ABI3BP: variants seen among roughly 807,000 people sequenced by gnomAD.
ABI3BP encodes ABI family member 3 binding protein.
In ABI3BP, 216 loss-of-function variants were observed where a neutral mutation model predicts 268.6. The ratio of observed to expected loss-of-function variants is 0.80; its 90% CI spans 0.72 to 0.90. ABI3BP has a LOEUF of 0.90. ABI3BP is among the 40% of genes least tolerant of loss of function. ABI3BP has a pLI of 0.00. For missense variants in ABI3BP, 2,090 were observed against 2,182.4 expected (o/e 0.96, Z 0.84); for synonymous variants, 730 against 730.0 (o/e 1.00, Z 0.00).
chr3:100,867,368 G>A (rs748551867), intron 9 of ABI3BP, among the ~76,000 whole-genome samples: 14 of 152,008 alleles, frequency 9.2e-5, no homozygotes, highest in Non-Finnish European at 1.3e-4. Flanking sequence ...CCGGCCGGGC[G>A]TGGTGGCTCA....
intron 1 of ABI3BP, among the ~76,000 whole-genome samples, chr3:100,958,696 C>T (rs532214239): frequency 6.6e-6 from 1 of 152,234 alleles, no homozygotes; most frequent in East Asian, 1.9e-4. Flanking sequence ...GCAGGGAAAC[C>T]TGAAATCAAA....
intron 22 of ABI3BP, 29 bp from the exon 23 acceptor site, chr3:100,840,193 C>A (rs1351481287): frequency 5.3e-5 from 79 of 1,476,894 alleles, no homozygotes; most frequent in Non-Finnish European, 7.1e-5. Context: ...CAAGTTAATA[C>A]AAGAAGGGTG....
intron 60 of ABI3BP, 125 bp downstream of exon 60, chr3:100,775,082 C>T: frequency 9.0e-7 from 1 of 1,117,232 alleles, no homozygotes; most frequent in Non-Finnish European, 1.2e-6. Flanking sequence ...TAAAAACAAC[C>T]ATATTAATCA....
intron 9 of ABI3BP, among the ~76,000 whole-genome samples, chr3:100,872,454 C>A (rs1260750279): frequency 6.6e-6 from 1 of 152,046 alleles, no homozygotes; most frequent in African/African-American, 2.4e-5. Context: ...CACTGAGGAC[C>A]AGACCATGAC....
intron 62 of ABI3BP, among the ~76,000 whole-genome samples, chr3:100,768,368 G>C (rs777063437): frequency 5.3e-5 from 8 of 152,114 alleles, no homozygotes; most frequent in Admixed American, 5.2e-4. Context: ...GATTACAGGC[G>C]TGAGCCACTG....
intron 1 of ABI3BP, among the ~76,000 whole-genome samples, chr3:100,938,718 T>C (rs1386841128): frequency 6.6e-6 from 1 of 152,142 alleles, no homozygotes; most frequent in Non-Finnish European, 1.5e-5. Context: ...AATGATGTTA[T>C]CAATTAAGTA....
At chr3:100,849,243 T>G (rs2153018291) in intron 17 of ABI3BP, among the ~76,000 whole-genome samples, 1 of 150,018 alleles carries the variant, frequency 6.7e-6, no homozygotes, top group African/African-American at 2.5e-5. Flanking sequence ...TTTTTTTTTT[T>G]GGAGACAGAG....
chr3:100,885,557 G>A lies in ABI3BP; in HGVS notation c.675C>T (p.Thr225=). ...ATACCACTGTGTGGTCTTGGTCATA[G>A]GTACTTTGGATTTTCCCATTTACTT... The part of the protein sequence containing the change: ...SKKVNGKIQS[T]YDQDHTVPAY... Residue 225 remains threonine (T), a synonymous_variant, in exon 6 of 68, where the codon ACC becomes ACT. Coordinates refer to ENST00000471714, the MANE Select transcript of ABI3BP (RefSeq NM_001375547.2). 6 of 1,561,866 alleles carry A rather than the reference G, an allele frequency of 3.8e-6. No homozygotes were observed. Among genetic ancestry groups the A allele is most frequent in the Non-Finnish European group, 5.2e-6 (6 of 1,150,090 alleles).
intron 1 of ABI3BP, among the ~76,000 whole-genome samples, chr3:100,941,662 G>A (rs2069321146): frequency 6.6e-6 from 1 of 152,066 alleles, no homozygotes; most frequent in Non-Finnish European, 1.5e-5. Context: ...GACTGAATGA[G>A]ACAGACTGAA....
intron 30 of ABI3BP, 75 bp from the exon 31 acceptor site, chr3:100,832,425 G>A (rs2098508860): frequency 7.5e-7 from 1 of 1,326,752 alleles, no homozygotes; most frequent in Non-Finnish European, 1.0e-6. Flanking sequence ...ATAGCTCTAA[G>A]TTTTAAAATA....
intron 55 of ABI3BP, among the ~76,000 whole-genome samples, chr3:100,792,087 A>G (rs1475245200): frequency 6.6e-6 from 1 of 151,884 alleles, no homozygotes; most frequent in Non-Finnish European, 1.5e-5. Context: ...TGTAAAGAGG[A>G]AAAGACTTCT....
intron 4 of ABI3BP, 57 bp downstream of exon 4, chr3:100,898,705 C>T: frequency 1.3e-6 from 2 of 1,557,830 alleles, no homozygotes; most frequent in Non-Finnish European, 1.8e-6. Flanking sequence ...AGTCCTGATA[C>T]TTACATATTC....
At chr3:100,796,294 A>C in intron 52 of ABI3BP, 115 bp downstream of exon 52, 1 of 793,464 alleles carries the variant, frequency 1.3e-6, no homozygotes, top group Non-Finnish European at 1.9e-6. Context: ...TTTTATACCC[A>C]TATTTTTTCT....
intron 14 of ABI3BP, among the ~76,000 whole-genome samples, chr3:100,854,305 G>T (rs1322734617): frequency 6.6e-6 from 1 of 152,002 alleles, no homozygotes; most frequent in Non-Finnish European, 1.5e-5. Context: ...CCTGCAGTGA[G>T]CCGAGATCTC....
chr3:100,920,301 T>G (rs2059852652), intron 2 of ABI3BP, among the ~76,000 whole-genome samples: 1 of 152,234 alleles, frequency 6.6e-6, no homozygotes, highest in Non-Finnish European at 1.5e-5. Context: ...TATTAGCAAT[T>G]GAGACAAAGC....
intron 9 of ABI3BP, among the ~76,000 whole-genome samples, chr3:100,868,515 G>A (rs901100197): frequency 6.6e-6 from 1 of 152,088 alleles, no homozygotes; most frequent in Non-Finnish European, 1.5e-5. Context: ...CTGTTAATGT[G>A]GGTTCAAAAA....
At chr3:100,810,229 T>A (rs1188305333) in intron 49 of ABI3BP, among the ~76,000 whole-genome samples, 183 bp downstream of exon 49, 1 of 152,012 alleles carries the variant, frequency 6.6e-6, no homozygotes, top group Admixed American at 6.6e-5. Context: ...TTCAACCATA[T>A]CCTAAAGAAC....
At chr3:100,769,536 A>C (rs368954398) in intron 62 of ABI3BP, among the ~76,000 whole-genome samples, 3 of 152,232 alleles carry the variant, frequency 2.0e-5, no homozygotes, top group Admixed American at 6.5e-5. Flanking sequence ...AACCAGTTCC[A>C]ACTCAATGTT....
At chr3:100,832,433 A>G (rs1035012172) in intron 30 of ABI3BP, 83 bp from the exon 31 acceptor site, 7 of 1,291,300 alleles carry the variant, frequency 5.4e-6, no homozygotes, top group Non-Finnish European at 7.4e-6. Flanking sequence ...AAGTTTTAAA[A>G]TACTTGTTAG....
Sources: allele counts gnomAD v4.1 joint callset (sites outside exome capture counted in the v4.1 genomes callset), GRCh38; gene constraint gnomAD v4.1.1; transcripts MANE v1.5; gene names NCBI Gene and HGNC (gene_info 2026-07-23, HGNC 2026-07-21).